The following KCNIP4 variants were observed in gnomAD, a reference collection of about 807,000 sequenced individuals.
The protein encoded by KCNIP4 is Kv channel-interacting protein 4.
A neutral mutation model predicts 34.0 loss-of-function variants in KCNIP4; 12 were observed. The ratio of observed to expected loss-of-function variants is 0.35; its 90% CI spans 0.23 to 0.57. The LOEUF is 0.57. Among genes scored for constraint, KCNIP4 ranks in the 20% least tolerant of loss-of-function variants. The pLI is 0.83. For missense variants in KCNIP4, 238 were observed against 311.7 expected (o/e 0.76, Z 1.78); for synonymous variants, 124 against 102.2 (o/e 1.21, Z -1.29).
chr4:21,303,989 T>G, intron 1 of KCNIP4: 1 of 1,422,366 alleles, frequency 7.0e-7, no homozygotes, highest in South Asian at 1.3e-5. Flanking sequence ...TAAACTACAT[T>G]AAGAAGGCTA....
intron 1 of KCNIP4, among the ~76,000 whole-genome samples, chr4:20,987,867 G>T (rs1445721756): frequency 6.6e-6 from 1 of 151,600 alleles, no homozygotes; most frequent in Non-Finnish European, 1.5e-5. Flanking sequence ...CGGGCGTGGT[G>T]GTGGGCGCCT....
In KCNIP4 at chr4:21,372,394, T is replaced by A. The variant is rs5022494; in HGVS notation, c.62-489685A>T. On this transcript the variant is annotated intron_variant, in intron 1 of 8. Coordinates refer to ENST00000382152, the MANE Select transcript of KCNIP4 (RefSeq NM_025221.6). ...GATAGATAGATAGATAGATAGATAG[T>A]TAGATAGACAGACAGACAGATACAG... 3.2e-3 allele frequency among the ~76,000 whole-genome samples: 192 copies of A among 60,496 alleles called. 26 individuals carry two copies. Among genetic ancestry groups the A allele is most frequent in the African/African-American group, 8.9e-3 (126 of 14,094 alleles). The allele number at this position is 60,496 out of a possible 152,430, so 39.7% of individuals were successfully genotyped here. A position where few individuals can be genotyped will look rare whatever the true frequency, so the allele number is the denominator to read the frequency against.
At chr4:20,918,061 G>A (rs1436487673) in intron 1 of KCNIP4, among the ~76,000 whole-genome samples, 1 of 152,062 alleles carries the variant, frequency 6.6e-6, no homozygotes, top group Non-Finnish European at 1.5e-5. Flanking sequence ...CTCTTCTGGT[G>A]GAATTTTTCT....
At chr4:21,611,657 T>G (rs1457757617) in intron 1 of KCNIP4, among the ~76,000 whole-genome samples, 3 of 150,632 alleles carry the variant, frequency 2.0e-5, no homozygotes, top group Non-Finnish European at 4.4e-5. Context: ...GTTTGTTTGT[T>G]TTTGTTTTTG....
chr4:20,749,312 CT>C (rs1753139744), intron 5 of KCNIP4, among the ~76,000 whole-genome samples: 1 of 152,130 alleles, frequency 6.6e-6, no homozygotes, highest in Non-Finnish European at 1.5e-5. Context: ...CATAACAGGA[CT>C]TTTGACTTTA....
At chr4:21,685,879 G>A (rs916935479) in intron 1 of KCNIP4, among the ~76,000 whole-genome samples, 1 of 152,200 alleles carries the variant, frequency 6.6e-6, no homozygotes, top group Non-Finnish European at 1.5e-5. Context: ...GGGCATCATT[G>A]GAAGGAACAT....
At chr4:21,071,666 A>T (rs1744938097) in intron 1 of KCNIP4, among the ~76,000 whole-genome samples, 2 of 152,062 alleles carry the variant, frequency 1.3e-5, no homozygotes, top group South Asian at 4.2e-4. Flanking sequence ...ATTATACTTT[A>T]AGTTTTGGGG....
intron 1 of KCNIP4, among the ~76,000 whole-genome samples, chr4:21,512,943 C>T (rs926412403): frequency 2.6e-5 from 4 of 152,220 alleles, no homozygotes; most frequent in African/African-American, 9.6e-5. Flanking sequence ...AGCAGCAATC[C>T]CATATGGGTG....
chr4:20,864,368 T>C (rs1237233424), intron 2 of KCNIP4, among the ~76,000 whole-genome samples: 1 of 151,054 alleles, frequency 6.6e-6, no homozygotes, highest in Non-Finnish European at 1.5e-5. Flanking sequence ...TATATATGTA[T>C]GTTATACATT....
intron 1 of KCNIP4, among the ~76,000 whole-genome samples, chr4:21,409,944 C>T (rs1008069801): frequency 1.5e-4 from 23 of 152,060 alleles, no homozygotes; most frequent in East Asian, 5.8e-4. Context: ...AAACAATGAG[C>T]ATGAGAAGAG....
chr4:21,548,583 A>C (rs1233944713), intron 1 of KCNIP4, among the ~76,000 whole-genome samples: 4 of 152,106 alleles, frequency 2.6e-5, no homozygotes, highest in Non-Finnish European at 4.4e-5. Context: ...AGTCTAAAAA[A>C]AAAAAGCAAA....
At chr4:20,984,000 C>T (rs541582115) in intron 1 of KCNIP4, 274 of 1,517,882 alleles carry the variant, frequency 1.8e-4, no homozygotes, top group Non-Finnish European at 2.2e-4. Flanking sequence ...ATCGTAGCAA[C>T]GTCAGGCTTG....
At chr4:21,779,299 T>TTAAAAAGCA (rs1290400532) in intron 1 of KCNIP4, among the ~76,000 whole-genome samples, 1 of 152,078 alleles carries the variant, frequency 6.6e-6, no homozygotes, top group Non-Finnish European at 1.5e-5. Context: ...CTATTAGCAT[T>TTAAAAAGCA]TAAAAAGCAT....
intron 1 of KCNIP4, among the ~76,000 whole-genome samples, chr4:21,034,043 T>C (rs1741239410): frequency 6.6e-6 from 1 of 152,210 alleles, no homozygotes. Flanking sequence ...TTCCAAGTAA[T>C]TAATATTTTA....
chr4:21,360,158 A>T, intron 1 of KCNIP4, among the ~76,000 whole-genome samples: 1 of 152,154 alleles, frequency 6.6e-6, no homozygotes, highest in East Asian at 1.9e-4. Flanking sequence ...TGATTGATAG[A>T]CATGACCTTG....
chr4:21,104,036 A>C (rs941773914), intron 1 of KCNIP4, among the ~76,000 whole-genome samples: 18 of 136,058 alleles, frequency 1.3e-4, no homozygotes, highest in African/African-American at 5.5e-4. Context: ...ATAGTGCCTC[A>C]ATAAACATAC....
chr4:20,839,697 C>T (rs1194055303), intron 3 of KCNIP4, among the ~76,000 whole-genome samples: 1 of 152,014 alleles, frequency 6.6e-6, no homozygotes, highest in Admixed American at 6.6e-5. Context: ...ATAGCAGCTA[C>T]ATTTTGAGTG....
chr4:21,010,312 C>T (rs957659106), intron 1 of KCNIP4, among the ~76,000 whole-genome samples: 2 of 152,116 alleles, frequency 1.3e-5, no homozygotes, highest in African/African-American at 4.8e-5. Context: ...AGTGATGTCT[C>T]CAATTTTTAA....
intron 1 of KCNIP4, among the ~76,000 whole-genome samples, chr4:21,217,809 G>A (rs1757696000): frequency 6.6e-6 from 1 of 152,038 alleles, no homozygotes; most frequent in Non-Finnish European, 1.5e-5. Flanking sequence ...CCAATGTGGT[G>A]TACATCTAAT....
Sources: gnomAD v4.1 joint callset for allele counts (sites outside exome capture counted in the v4.1 genomes callset) on GRCh38, gnomAD v4.1.1 for gene constraint, MANE v1.5 for transcripts, NCBI Gene and HGNC (gene_info 2026-07-23, HGNC 2026-07-21) for gene names.